Variants in NARS2 observed in about 807,000 individuals in gnomAD.
The protein encoded by NARS2 is asparaginyl-tRNA synthetase.
Under a neutral mutation model 62.9 loss-of-function variants are expected in NARS2, and 60 were observed. The observed-to-expected ratio is 0.95, with a 90% CI of 0.77 to 1.18. The LOEUF (loss-of-function observed/expected upper bound fraction) is 1.18, where lower values mean the gene tolerates loss of function less well. Ranked by LOEUF, NARS2 falls within the 50% of genes most tolerant of loss-of-function variation. The pLI is 0.00. For missense variants in NARS2, 619 were observed against 576.4 expected, an observed-to-expected ratio of 1.07 and a Z score of -0.76; for synonymous variants, 196 against 200.0, an observed-to-expected ratio of 0.98 and a Z score of 0.17.
chr11:78,506,479 A>G lies in NARS2; in HGVS notation c.690-13284T>C, dbSNP rs140145795. Among the ~76,000 whole-genome samples the G allele has an allele frequency of 3.3e-4, 51 of 152,322 alleles. No homozygotes were observed. The East Asian group carries it at 6.9e-3, about 21-fold the overall frequency. The stretch of plus-strand genomic sequence containing the variant: ...GTATTTTGGGAAGATGGCAGAGAAG[A>G]AACCACCAGGAATCTGTCTACCCAC... On this transcript the variant is annotated intron_variant, in intron 6 of 13. Transcript: ENST00000281038.
intron 6 of NARS2, among the ~76,000 whole-genome samples, chr11:78,515,222 C>T (rs893025154): frequency 6.6e-6 from 1 of 152,080 alleles, no homozygotes; most frequent in Non-Finnish European, 1.5e-5. Flanking sequence ...CTCCCCCACC[C>T]ACCCATCAGC....
rs150860219 is a variant in NARS2, at chr11:78,467,208, T to C, written c.1027-1195A>G. 6.1e-3 allele frequency among the ~76,000 whole-genome samples: 935 copies of C among 152,314 alleles called. 5 individuals carry two copies. The highest frequency in any genetic ancestry group is 0.02 in the Middle Eastern group (6 of 294). On this transcript the variant is annotated intron_variant, in intron 10 of 13. Transcript: ENST00000281038. ...GCCTCCAACATTATACATATGTCCATTGACAGACCATGTGGTCTCTCTGGA... is the reference window on the plus strand; with the variant it reads ...GCCTCCAACATTATACATATGTCCACTGACAGACCATGTGGTCTCTCTGGA...
chr11:78,465,876 C>A lies in NARS2; in HGVS notation c.1164G>T (p.Thr388=), dbSNP rs996766234. The A allele has an allele frequency of 6.2e-7, 1 of 1,614,022 alleles. No individual in the cohort carries two copies. ...MRDNEDGPQH[T]VAAVDLLVPG... is the part of the protein sequence containing the mutation. ...CAATTTATTTAGTATCTCTTCTTAC[C>A]GTGTGCTGAGGGCCATCTTCATTAT... Residue 388 remains threonine, a splice_region_variant and synonymous_variant, in exon 11 of 14, where the codon ACG becomes ACT. Transcript: ENST00000281038.
At chr11:78,446,182 C>A (rs1390346607) in intron 11 of NARS2, among the ~76,000 whole-genome samples, 1 of 152,066 alleles carries the variant, frequency 6.6e-6, no homozygotes, top group Non-Finnish European at 1.5e-5. Context: ...TTAAGCCATC[C>A]CCTTCCCAGT....
Position 78,478,433 on chromosome 11 carries a change from C to T in NARS2, c.959+5G>A. The T allele has an allele frequency of 1.9e-6, 2 of 1,046,646 alleles. No homozygotes were observed. The highest frequency in any genetic ancestry group is 1.8e-5 in the South Asian group (1 of 55,110). The allele number at this position is 1,046,646 out of a possible 1,614,324, so 64.8% of individuals were successfully genotyped here. On this transcript the variant is annotated splice_donor_5th_base_variant and intron_variant, in intron 9 of 13. Coordinates refer to ENST00000281038, the MANE Select transcript of NARS2 (RefSeq NM_024678.6). ...TAAAGTTCAAAAAGTATAACATCTA[C>T]TTACATTAAAAAGTTGTTTTTTAGC...
At chr11:78,518,016 C>CT (rs1317403787) in intron 6 of NARS2, among the ~76,000 whole-genome samples, 1 of 152,168 alleles carries the variant, frequency 6.6e-6, no homozygotes, top group Non-Finnish European at 1.5e-5. Context: ...TTAACATAGA[C>CT]TTAACTCCCA....
intron 13 of NARS2, 124 bp from the exon 14 acceptor site, chr11:78,436,938 C>A (rs1033348646): frequency 3.4e-6 from 3 of 889,146 alleles, no homozygotes; most frequent in Non-Finnish European, 5.2e-6. Flanking sequence ...TGTGATAGAC[C>A]AGTCTTTCCC....
chr11:78,558,395 A>G (rs969162487), intron 5 of NARS2: 1 of 152,326 alleles, frequency 6.6e-6, no homozygotes, highest in East Asian at 1.9e-4. Flanking sequence ...ATAAAGCACC[A>G]CCACCATTAT....
At chr11:78,478,383 G>C (rs1859198211) in intron 9 of NARS2, 55 bp downstream of exon 9, 6 of 755,372 alleles carry the variant, frequency 7.9e-6, no homozygotes, top group Non-Finnish European at 1.2e-5. Flanking sequence ...TTATAATATA[G>C]TGTGATAAAT....
intron 5 of NARS2, among the ~76,000 whole-genome samples, chr11:78,532,187 CA>C (rs1187340678): frequency 1.3e-5 from 2 of 152,104 alleles, no homozygotes. Context: ...ATGAATTAAA[CA>C]CCCAACTTTG....
intron 6 of NARS2, among the ~76,000 whole-genome samples, chr11:78,499,945 T>C (rs1860221532): frequency 6.6e-6 from 1 of 152,232 alleles, no homozygotes; most frequent in African/African-American, 2.4e-5. Flanking sequence ...GTGTCGAAAT[T>C]ATCCCTCTTA....
intron 6 of NARS2, among the ~76,000 whole-genome samples, chr11:78,502,975 C>T (rs1417827974): frequency 2.2e-4 from 19 of 88,178 alleles, no homozygotes; most frequent in African/African-American, 9.0e-4. Context: ...GCCTGGGTAA[C>T]AGAGTGAGAC....
At chr11:78,448,457 A>G (rs1354274110) in intron 11 of NARS2, among the ~76,000 whole-genome samples, 1 of 151,592 alleles carries the variant, frequency 6.6e-6, no homozygotes, top group Non-Finnish European at 1.5e-5. Context: ...TGCCCAGCTA[A>G]TTTTTGTATT....
chr11:78,565,798 T>C (rs1856723361), intron 4 of NARS2, among the ~76,000 whole-genome samples: 1 of 152,228 alleles, frequency 6.6e-6, no homozygotes, highest in South Asian at 2.1e-4. Flanking sequence ...GGTCGGGACC[T>C]GAGGAAGGCT....
chr11:78,454,145 G>A (rs894062865), intron 11 of NARS2, among the ~76,000 whole-genome samples: 4 of 152,124 alleles, frequency 2.6e-5, no homozygotes, highest in Non-Finnish European at 4.4e-5. Context: ...TTCAGTAAAC[G>A]GCACCACTCT....
intron 7 of NARS2, among the ~76,000 whole-genome samples, chr11:78,492,545 T>C (rs1032418765): frequency 6.6e-6 from 1 of 152,178 alleles, no homozygotes; most frequent in Non-Finnish European, 1.5e-5. Flanking sequence ...CATGACCATC[T>C]CTCCAGCCTT....
chr11:78,540,446 A>G (rs1310243210), intron 5 of NARS2, among the ~76,000 whole-genome samples: 1 of 150,836 alleles, frequency 6.6e-6, no homozygotes, highest in Non-Finnish European at 1.5e-5. Context: ...AAATAGCAGT[A>G]AGCTGAACAG....
At chr11:78,538,949 C>T (rs931784334) in intron 5 of NARS2, among the ~76,000 whole-genome samples, 3 of 132,890 alleles carry the variant, frequency 2.3e-5, no homozygotes, top group African/African-American at 6.1e-5. Context: ...GAGCCGAGAT[C>T]GCGCCACTGC....
intron 7 of NARS2, among the ~76,000 whole-genome samples, chr11:78,479,068 A>C (rs1375747956): frequency 6.6e-6 from 1 of 152,166 alleles, no homozygotes; most frequent in Admixed American, 6.5e-5. Context: ...CATGTGTCAC[A>C]CTTAGCTTAG....
Sources: allele counts gnomAD v4.1 joint callset (sites outside exome capture counted in the v4.1 genomes callset), GRCh38; gene constraint gnomAD v4.1.1; transcripts MANE v1.5; gene names NCBI Gene and HGNC (gene_info 2026-07-23, HGNC 2026-07-21).